RPS6KA2: variants seen among roughly 807,000 people sequenced by gnomAD.
RPS6KA2 encodes ribosomal protein S6 kinase alpha-2.
In RPS6KA2, 42 loss-of-function variants were observed where a neutral mutation model predicts 91.8. The ratio of observed to expected loss-of-function variants is 0.46; its 90% CI spans 0.36 to 0.59. The LOEUF is 0.59. Among genes scored for constraint, RPS6KA2 ranks in the 20% least tolerant of loss-of-function variants. The pLI, the probability that RPS6KA2 is intolerant of heterozygous loss-of-function variation, is 0.00. For missense variants in RPS6KA2, 798 were observed against 978.5 expected (o/e 0.82, Z 2.46); for synonymous variants, 414 against 393.6 (o/e 1.05, Z -0.61).
intron 2 of RPS6KA2, among the ~76,000 whole-genome samples, chr6:166,827,724 C>A (rs747468721): frequency 6.6e-6 from 1 of 152,206 alleles, no homozygotes; most frequent in Non-Finnish European, 1.5e-5. Context: ...ATTAGACTGT[C>A]TGTTGTAATC....
intron 2 of RPS6KA2, among the ~76,000 whole-genome samples, chr6:166,777,718 A>G (rs1778662305): frequency 6.6e-6 from 1 of 152,256 alleles, no homozygotes; most frequent in Non-Finnish European, 1.5e-5. Context: ...GAGAATCTAC[A>G]GAGAATTTAT....
intron 2 of RPS6KA2, among the ~76,000 whole-genome samples, chr6:166,642,301 A>G (rs1673225997): frequency 6.6e-6 from 1 of 151,174 alleles, no homozygotes; most frequent in South Asian, 2.1e-4. Flanking sequence ...CTGTCCTACA[A>G]AAAAAAAATC....
At chr6:166,781,745 G>A (rs555573987) in intron 2 of RPS6KA2, among the ~76,000 whole-genome samples, 1 of 152,216 alleles carries the variant, frequency 6.6e-6, no homozygotes, top group African/African-American at 2.4e-5. Context: ...ATGCAGCAGA[G>A]ACTTGCACCA....
chr6:166,805,408 A>C (rs1779467348), intron 2 of RPS6KA2, among the ~76,000 whole-genome samples: 1 of 152,198 alleles, frequency 6.6e-6, no homozygotes, highest in African/African-American at 2.4e-5. Context: ...CAGGAGATTT[A>C]AAGAATCGGC....
chr6:166,680,326 C>G (rs1352523909), intron 2 of RPS6KA2, among the ~76,000 whole-genome samples: 8 of 152,206 alleles, frequency 5.3e-5, no homozygotes, highest in Admixed American at 4.6e-4. Context: ...ACGGACCAAT[C>G]AGCTCTGTAA....
At chr6:166,738,691 C>T (rs531646076) in intron 2 of RPS6KA2, among the ~76,000 whole-genome samples, 44 of 152,286 alleles carry the variant, frequency 2.9e-4, no homozygotes, top group Middle Eastern at 6.8e-3. Flanking sequence ...TAAATAAAAA[C>T]GACGTCACTG....
chr6:166,599,935 C>T (rs1466213856), intron 1 of RPS6KA2, among the ~76,000 whole-genome samples: 1 of 152,164 alleles, frequency 6.6e-6, no homozygotes, highest in Non-Finnish European at 1.5e-5. Context: ...AGAGTAGCTC[C>T]TTCCGTCATG....
chr6:166,545,737 C>T (rs1266985587), intron 1 of RPS6KA2, among the ~76,000 whole-genome samples: 1 of 152,134 alleles, frequency 6.6e-6, no homozygotes, highest in Non-Finnish European at 1.5e-5. Flanking sequence ...CTGTTGTTCC[C>T]GTGGATTATT....
intron 2 of RPS6KA2, among the ~76,000 whole-genome samples, chr6:166,826,519 C>A (rs1174972147): frequency 1.3e-5 from 2 of 152,240 alleles, no homozygotes; most frequent in Non-Finnish European, 2.9e-5. Flanking sequence ...CACCTCCTTG[C>A]AGACAACTCT....
intron 2 of RPS6KA2, among the ~76,000 whole-genome samples, chr6:166,679,788 C>G (rs946442316): frequency 6.6e-6 from 1 of 152,160 alleles, no homozygotes; most frequent in Non-Finnish European, 1.5e-5. Flanking sequence ...GCTGGGGTTG[C>G]GAGTGGTGCT....
In RPS6KA2 at chr6:166,849,950, A is replaced by G. The variant is rs1192104545; in HGVS notation, c.123+8250T>C. Among the ~76,000 whole-genome samples, 1 of 151,376 alleles carries G rather than the reference A, an allele frequency of 6.6e-6. No homozygotes were observed. The highest frequency in any genetic ancestry group is 1.5e-5 in the Non-Finnish European group (1 of 67,878). The stretch of plus-strand genomic sequence containing the variant: ...GGGGCCTCCACCAGAGAAGTGTGAG[A>G]CTCCGGGTTCAGGAACGAGGGGCAC... On this transcript the variant is annotated intron_variant, in intron 2 of 21. Coordinates refer to the RPS6KA2 transcript ENST00000503859. This position sits in a 1 kb window ranked among gnomAD's most constrained non-coding sequence, Gnocchi z 4.9.
intron 12 of RPS6KA2, among the ~76,000 whole-genome samples, chr6:166,456,935 A>G (rs1419693924): frequency 6.6e-6 from 1 of 152,260 alleles, no homozygotes; most frequent in Non-Finnish European, 1.5e-5. Flanking sequence ...TTATTAAAAT[A>G]CAATGGAATT....
At chr6:166,571,508 C>T (rs914890231) in intron 1 of RPS6KA2, among the ~76,000 whole-genome samples, 10 of 152,298 alleles carry the variant, frequency 6.6e-5, no homozygotes, top group African/African-American at 9.6e-5. Flanking sequence ...TGTGCTTGGG[C>T]GTGTGTGTGC....
intron 2 of RPS6KA2, among the ~76,000 whole-genome samples, chr6:166,855,040 C>T (rs576266283): frequency 3.4e-4 from 52 of 152,284 alleles, no homozygotes; most frequent in South Asian, 1.2e-3. Context: ...ATGCCTTTAG[C>T]AGCAACGTGG....
chr6:166,765,809 G>A (rs1423026993), intron 2 of RPS6KA2, among the ~76,000 whole-genome samples: 3 of 152,166 alleles, frequency 2.0e-5, no homozygotes, highest in Non-Finnish European at 2.9e-5. Flanking sequence ...AATACTCACA[G>A]TAATATAAAG....
At chr6:166,708,772 C>T (rs1789763252) in intron 2 of RPS6KA2, among the ~76,000 whole-genome samples, 2 of 152,202 alleles carry the variant, frequency 1.3e-5, no homozygotes, top group African/African-American at 4.8e-5. Flanking sequence ...TGACTTCCTT[C>T]TCATACAATT....
intron 1 of RPS6KA2, among the ~76,000 whole-genome samples, chr6:166,619,177 G>A (rs773017092): frequency 3.9e-5 from 6 of 152,248 alleles, no homozygotes; most frequent in African/African-American, 9.6e-5. Flanking sequence ...TGATCCATGC[G>A]TTTTCTTTGT....
At chr6:166,712,081 A>T (rs1342614735) in intron 2 of RPS6KA2, among the ~76,000 whole-genome samples, 2 of 152,242 alleles carry the variant, frequency 1.3e-5, no homozygotes, top group Non-Finnish European at 2.9e-5. Context: ...GTACGTAGGG[A>T]TGCCCACCCT....
chr6:166,624,858 C>T (rs1228775985), intron 1 of RPS6KA2, among the ~76,000 whole-genome samples: 1 of 150,764 alleles, frequency 6.6e-6, no homozygotes. Context: ...TTTTTTGAGA[C>T]AAGTCTCGCT....
Sources: allele counts gnomAD v4.1 joint callset (sites outside exome capture counted in the v4.1 genomes callset), GRCh38; gene constraint gnomAD v4.1.1; non-coding constraint Gnocchi (gnomAD v3.1); transcripts MANE v1.5; gene names NCBI Gene and HGNC (gene_info 2026-07-23, HGNC 2026-07-21).